The following ZNRF1 variants were observed in gnomAD, a reference collection of about 807,000 sequenced individuals.
ZNRF1 encodes the protein zinc and ring finger 1.
A neutral mutation model predicts 18.4 loss-of-function variants in ZNRF1; 3 were observed. The observed-to-expected ratio is 0.16, with a 90% CI of 0.07 to 0.42. ZNRF1 has a LOEUF of 0.42. Among genes scored for constraint, ZNRF1 ranks in the 10% least tolerant of loss-of-function variants. The probability of loss-of-function intolerance (pLI) is 0.99; values close to 1 mark genes in which losing one functional copy is unlikely to be tolerated. For missense variants in ZNRF1, 310 were observed against 329.8 expected, an observed-to-expected ratio of 0.94 and a Z score of 0.47; for synonymous variants, 157 against 144.2, an observed-to-expected ratio of 1.09 and a Z score of -0.64.
intron 1 of ZNRF1, among the ~76,000 whole-genome samples, chr16:75,029,531 C>A (rs1161791528): frequency 6.6e-6 from 1 of 152,162 alleles, no homozygotes; most frequent in Admixed American, 6.5e-5. Context: ...CTTTGGGAGG[C>A]TGAGGCGGGC....
At chr16:75,096,741 A>G (rs914986576) in intron 2 of ZNRF1, among the ~76,000 whole-genome samples, 20 of 152,224 alleles carry the variant, frequency 1.3e-4, no homozygotes, top group Non-Finnish European at 2.9e-4. Flanking sequence ...CACTAAAGGA[A>G]AAAAGTAGAA....
chr16:75,018,346 C>G (rs1193615377), intron 1 of ZNRF1, among the ~76,000 whole-genome samples: 1 of 152,158 alleles, frequency 6.6e-6, no homozygotes, highest in Non-Finnish European at 1.5e-5. Flanking sequence ...ACAGAAAATT[C>G]AGAGAATCAC....
chr16:75,057,053 G>A (rs558723744), intron 1 of ZNRF1, among the ~76,000 whole-genome samples: 1 of 152,220 alleles, frequency 6.6e-6, no homozygotes, highest in South Asian at 2.1e-4. Flanking sequence ...TGTTTTGATG[G>A]ACATTTCTCC....
Position 75,024,773 on chromosome 16 carries a change from T to C in ZNRF1, c.424+24678T>C, listed in dbSNP as rs183694598. Among the ~76,000 whole-genome samples, 544 of 152,354 alleles carry C rather than the reference T, an allele frequency of 3.6e-3. 5 individuals carry two copies. Among genetic ancestry groups the C allele is most frequent in the African/African-American group, 0.013 (522 of 41,578 alleles). Reference sequence around the variant, plus strand: ...GGTTTCCAAATCAGTATTTTCTGTCTTTTAAGCAAATCTTTTAAGAAACAA... The same window carrying C: ...GGTTTCCAAATCAGTATTTTCTGTCCTTTAAGCAAATCTTTTAAGAAACAA... On this transcript the variant is annotated intron_variant, in intron 1 of 4. Coordinates refer to ENST00000335325, the MANE Select transcript of ZNRF1 (RefSeq NM_032268.5).
chr16:75,074,942 A>G (rs995816216), intron 1 of ZNRF1, among the ~76,000 whole-genome samples: 8 of 152,190 alleles, frequency 5.3e-5, no homozygotes, highest in Non-Finnish European at 1.0e-4. Context: ...TAAATGTATT[A>G]AGGAAATGTT....
At chr16:75,002,944 C>T (rs112555105) in intron 1 of ZNRF1, among the ~76,000 whole-genome samples, 476 of 152,292 alleles carry the variant, frequency 3.1e-3, no homozygotes, top group Non-Finnish European at 4.4e-3. Context: ...CAGTCACTCA[C>T]CTGTTACCTT....
intron 1 of ZNRF1, among the ~76,000 whole-genome samples, chr16:75,013,738 C>T (rs913347444): frequency 2.6e-5 from 4 of 152,318 alleles, no homozygotes; most frequent in South Asian, 2.1e-4. Context: ...ATTTGGTTCA[C>T]TTGTACATTT....
intron 1 of ZNRF1, among the ~76,000 whole-genome samples, chr16:75,021,007 C>A (rs543363567): frequency 2.0e-5 from 3 of 152,240 alleles, no homozygotes; most frequent in African/African-American, 7.2e-5. Context: ...TTACACATTG[C>A]TGTGGATCGG....
rs1429425880 is a variant in ZNRF1, at chr16:75,107,873, T to C, written c.*173T>C. 4.4e-6 allele frequency: 2 copies of C among 450,430 alleles called. No homozygotes were observed. The highest frequency in any genetic ancestry group is 4.7e-5 in the Admixed American group (2 of 42,202). 27.9% of individuals were successfully genotyped at this position (450,430 alleles called of 1,614,324 possible). A position where few individuals can be genotyped will look rare whatever the true frequency, so the allele number is the denominator to read the frequency against. On this transcript the variant is annotated 3_prime_UTR_variant, in exon 5 of 5. Coordinates refer to ENST00000335325, the MANE Select transcript of ZNRF1 (RefSeq NM_032268.5). ...TCCCTTCCTCCCTGAGGACACCAAA[T>C]TGGATGAGAGCAAGTTTGAGAGAAG...
In ZNRF1 at chr16:75,059,577, C is replaced by T. The variant is rs377082386; in HGVS notation, c.425-33995C>T. ...CCCATCTTCTTACTTTTGTTTGTGACGAAATGGCTCAGATCTCGTAGGAAC... is the reference window on the plus strand; with the variant it reads ...CCCATCTTCTTACTTTTGTTTGTGATGAAATGGCTCAGATCTCGTAGGAAC... On this transcript the variant is annotated intron_variant, in intron 1 of 4. Transcript: ENST00000335325. Among the ~76,000 whole-genome samples the T allele has an allele frequency of 2.0e-5, 3 of 151,886 alleles. No individual in the cohort carries two copies. The South Asian group carries it at 6.2e-4, about 32-fold the overall frequency.
chr16:75,060,473 C>CTTTTTTTT (rs34182819), intron 1 of ZNRF1, among the ~76,000 whole-genome samples: 1 of 70,244 alleles, frequency 1.4e-5, no homozygotes, highest in Non-Finnish European at 2.6e-5. Flanking sequence ...CTCAGAAAAT[C>CTTTTTTTT]TTTTTTTTTT....
At chr16:75,052,977 A>T (rs17684886) in intron 1 of ZNRF1, among the ~76,000 whole-genome samples, 18,925 of 152,220 alleles carry the variant, frequency 0.12, 1,993 homozygotes, top group East Asian at 0.54. Flanking sequence ...GCCACTGGGG[A>T]CATGATGTGA....
chr16:75,090,366 GT>G (rs2036122080), intron 1 of ZNRF1, among the ~76,000 whole-genome samples: 1 of 78,720 alleles, frequency 1.3e-5, no homozygotes, highest in Non-Finnish European at 3.4e-5. Context: ...TCTGGGGTTT[GT>G]TGTTGTTGTT....
rs149929766 is a variant in ZNRF1 at position 74,999,781 on chromosome 16, A to G, written c.110A>G (p.Tyr37Cys). 7.1e-7 allele frequency: 1 copy of G among 1,412,722 alleles called. No individual in the cohort carries two copies. Among genetic ancestry groups the G allele is most frequent in the Non-Finnish European group, 9.2e-7 (1 of 1,090,106 alleles). The allele number at this position is 1,412,722 out of a possible 1,614,324, so 87.5% of individuals were successfully genotyped here. A position where few individuals can be genotyped will look rare whatever the true frequency, so the allele number is the denominator to read the frequency against. ...PPGGAPHFGH[Y>C]RTGGGAMGLR... The stretch of plus-strand genomic sequence containing the variant: ...GGAGGGGCGCCCCATTTCGGGCACT[A>G]CCGGACGGGCGGCGGGGCCATGGGG... The change falls in exon 1 of 5, where the codon TAC (tyrosine) becomes TGC (cysteine). Residue 37 changes from tyrosine to cysteine, a missense_variant. Tyr to Cys is a radical substitution (Grantham distance 194). This residue lies in a region of ZNRF1 where 293 missense variants were observed against 291.2 expected (regional missense o/e 1.01). Coordinates refer to ENST00000335325, the MANE Select transcript of ZNRF1 (RefSeq NM_032268.5).
At chr16:75,073,196 A>C (rs1180477190) in intron 1 of ZNRF1, among the ~76,000 whole-genome samples, 2 of 151,740 alleles carry the variant, frequency 1.3e-5, no homozygotes. Context: ...ACACACATAG[A>C]TATGTATACG....
chr16:75,034,371 T>G (rs948376614), intron 1 of ZNRF1, among the ~76,000 whole-genome samples: 1 of 152,224 alleles, frequency 6.6e-6, no homozygotes, highest in Non-Finnish European at 1.5e-5. Context: ...ATAACTCATA[T>G]AAGCAAAATT....
At chr16:75,002,747 G>A (rs1044327608) in intron 1 of ZNRF1, among the ~76,000 whole-genome samples, 27 of 152,158 alleles carry the variant, frequency 1.8e-4, no homozygotes, top group Admixed American at 1.6e-3. Context: ...CGCAAATCCC[G>A]GGAGAGGAAG....
At chr16:75,023,693 C>CA (rs1379145757) in intron 1 of ZNRF1, among the ~76,000 whole-genome samples, 14 of 115,832 alleles carry the variant, frequency 1.2e-4, no homozygotes, top group Non-Finnish European at 2.4e-4. Flanking sequence ...AACAAACAAA[C>CA]AAACAAAAAA....
In ZNRF1 at chr16:75,005,823, C is replaced by G. The variant is rs1417805911; in HGVS notation, c.424+5728C>G. Among the ~76,000 whole-genome samples the G allele has an allele frequency of 3.3e-5, 5 of 152,290 alleles. No individual in the cohort carries two copies. In the East Asian group the frequency reaches 9.6e-4, roughly 29 times the overall value. On this transcript the variant is annotated intron_variant, in intron 1 of 4. Transcript: ENST00000335325. ...TCTCTCCCTGTCTCGAAAGTACAGT[C>G]ATGCATTGCTTAATGACAGGGATAC...
Sources: allele counts gnomAD v4.1 joint callset (sites outside exome capture counted in the v4.1 genomes callset), GRCh38; gene constraint gnomAD v4.1.1; regional missense constraint gnomAD v4.1.1; transcripts MANE v1.5; gene names NCBI Gene and HGNC (gene_info 2026-07-23, HGNC 2026-07-21).